The following CACNA2D1 variants were observed in gnomAD, a reference collection of about 807,000 sequenced individuals.
The protein encoded by CACNA2D1 is voltage-dependent calcium channel subunit alpha-2/delta-1.
CACNA2D1 carries 53 observed loss-of-function variants against 171.5 expected under a neutral mutation model. That is an observed-to-expected ratio of 0.31 (90% CI 0.25 to 0.39). The LOEUF is 0.39. Among genes scored for constraint, CACNA2D1 ranks in the 10% least tolerant of loss-of-function variants. The probability of loss-of-function intolerance (pLI) is 1.00; values close to 1 mark genes in which losing one functional copy is unlikely to be tolerated. For synonymous variants in CACNA2D1, 442 were observed against 443.1 expected, an observed-to-expected ratio of 1.00 and a Z score of 0.03; for missense variants, 903 against 1,299.8, an observed-to-expected ratio of 0.69 and a Z score of 4.69.
intron 3 of CACNA2D1, among the ~76,000 whole-genome samples, chr7:82,291,548 T>C (rs978664159): frequency 5.7e-5 from 8 of 139,984 alleles, no homozygotes; most frequent in Non-Finnish European, 1.2e-4. Flanking sequence ...GATATATAGA[T>C]ATATATAAAT....
chr7:82,055,912 A>G (rs1311513885), intron 10 of CACNA2D1, among the ~76,000 whole-genome samples: 2 of 92,940 alleles, frequency 2.2e-5, no homozygotes, highest in Non-Finnish European at 4.6e-5. Flanking sequence ...TTAAAGTATA[A>G]TAAATATGTG....
Position 82,215,453 on chromosome 7 carries a change from T to C in CACNA2D1, c.295-44844A>G, listed in dbSNP as rs143905697. Among the ~76,000 whole-genome samples, 1,087 of 152,220 alleles carry C rather than the reference T, an allele frequency of 7.1e-3. 14 individuals carry two copies. Among genetic ancestry groups the C allele is most frequent in the Non-Finnish European group, 8.1e-3 (552 of 68,010 alleles). On this transcript the variant is annotated intron_variant, in intron 3 of 38. Transcript: ENST00000356860. ...TTCAGTAACAGTATCAGAAACATAATAGCAAGCAAGAAATCTTGTAATTTC... is the reference window on the plus strand; with the variant it reads ...TTCAGTAACAGTATCAGAAACATAACAGCAAGCAAGAAATCTTGTAATTTC...
At chr7:82,146,547 G>T (rs1793132335) in intron 4 of CACNA2D1, among the ~76,000 whole-genome samples, 2 of 144,394 alleles carry the variant, frequency 1.4e-5, no homozygotes, top group African/African-American at 2.6e-5. Flanking sequence ...TCTTTTACAG[G>T]TAAGAAGATT....
At chr7:82,024,102 G>A (rs1319641196) in intron 12 of CACNA2D1, among the ~76,000 whole-genome samples, 1 of 151,400 alleles carries the variant, frequency 6.6e-6, no homozygotes, top group African/African-American at 2.4e-5. Flanking sequence ...ATTTTGAATA[G>A]TGCTGTAATG....
intron 3 of CACNA2D1, among the ~76,000 whole-genome samples, chr7:82,291,427 A>T (rs1366194207): frequency 7.4e-6 from 1 of 136,026 alleles, no homozygotes; most frequent in Non-Finnish European, 1.5e-5. Flanking sequence ...TAGATATATA[A>T]TATATAAAAT....
intron 1 of CACNA2D1, among the ~76,000 whole-genome samples, chr7:82,430,601 C>T (rs731160): frequency 0.35 from 53,410 of 151,990 alleles, 11,249 homozygotes; most frequent in South Asian, 0.58. Context: ...TTTCTACCAA[C>T]AAGAGAACAG....
intron 3 of CACNA2D1, among the ~76,000 whole-genome samples, chr7:82,287,229 T>C (rs1393361126): frequency 6.6e-6 from 1 of 151,876 alleles, no homozygotes; most frequent in East Asian, 1.9e-4. Context: ...ATGTGGTAAA[T>C]CTAGCTTAGA....
At chr7:82,424,320 G>A (rs531434476) in intron 1 of CACNA2D1, among the ~76,000 whole-genome samples, 2 of 152,254 alleles carry the variant, frequency 1.3e-5, no homozygotes, top group South Asian at 2.1e-4. Context: ...TGAGCACCCA[G>A]TACATAAGCA....
chr7:81,986,831 A>T (rs907463502), intron 21 of CACNA2D1, among the ~76,000 whole-genome samples: 2 of 152,174 alleles, frequency 1.3e-5, no homozygotes, highest in African/African-American at 4.8e-5. Context: ...CAGCAAGATG[A>T]CCTTTCATGA....
At chr7:82,160,651 C>A (rs1292636254) in intron 4 of CACNA2D1, among the ~76,000 whole-genome samples, 1 of 151,848 alleles carries the variant, frequency 6.6e-6, no homozygotes, top group African/African-American at 2.4e-5. Flanking sequence ...TAATTGTAGA[C>A]CTTGTAGAGA....
intron 3 of CACNA2D1, among the ~76,000 whole-genome samples, chr7:82,272,932 T>A (rs368569599): frequency 7.2e-4 from 109 of 152,220 alleles, no homozygotes; most frequent in South Asian, 2.9e-3. Context: ...ATGGAAACTA[T>A]GAGATCAGAA....
chr7:81,956,164 G>A (rs1277300529), intron 38 of CACNA2D1, among the ~76,000 whole-genome samples: 2 of 151,096 alleles, frequency 1.3e-5, no homozygotes, highest in Admixed American at 6.6e-5. Context: ...AGTAGAGATG[G>A]GGTTTCACCA....
At chr7:82,015,109 C>A (rs1463448969) in intron 12 of CACNA2D1, among the ~76,000 whole-genome samples, 1 of 152,098 alleles carries the variant, frequency 6.6e-6, no homozygotes, top group Admixed American at 6.6e-5. Flanking sequence ...TGAGGTCCAA[C>A]CTCACTTCAC....
At chr7:81,961,840 CAGTATATACAATTTCTT>C (rs2130245594) in intron 36 of CACNA2D1, 37 bp downstream of exon 36, 1 of 365,556 alleles carries the variant, frequency 2.7e-6, no homozygotes, top group African/African-American at 6.8e-5. Flanking sequence ...ATGATTATAA[CAGTATATACAATTTCTT>C]AATGAAATAG....
At chr7:82,286,327 T>C (rs1470187667) in intron 3 of CACNA2D1, among the ~76,000 whole-genome samples, 1 of 152,110 alleles carries the variant, frequency 6.6e-6, no homozygotes, top group South Asian at 2.1e-4. Flanking sequence ...CTTACCCTCA[T>C]ACTCGCTATT....
chr7:81,957,161 T>C (rs75538412), intron 38 of CACNA2D1, among the ~76,000 whole-genome samples: 1 of 152,144 alleles, frequency 6.6e-6, no homozygotes, highest in East Asian at 1.9e-4. Context: ...CTCTAAAAAT[T>C]GTCATTAGGT....
intron 3 of CACNA2D1, among the ~76,000 whole-genome samples, chr7:82,239,173 A>G (rs1040818522): frequency 2.0e-5 from 3 of 152,108 alleles, no homozygotes; most frequent in Non-Finnish European, 4.4e-5. Flanking sequence ...TAGAAATACT[A>G]CTATGCCAAG....
chr7:82,180,855 A>ACAGAGACAGG (rs1295494243), intron 3 of CACNA2D1, among the ~76,000 whole-genome samples: 1 of 151,714 alleles, frequency 6.6e-6, no homozygotes, highest in South Asian at 2.1e-4. Context: ...AGAAATAGAG[A>ACAGAGACAGG]CAGAGACAGG....
At chr7:82,198,022 G>A (rs997881946) in intron 3 of CACNA2D1, among the ~76,000 whole-genome samples, 3 of 152,030 alleles carry the variant, frequency 2.0e-5, no homozygotes, top group Admixed American at 6.6e-5. Context: ...CAGGTACAGA[G>A]AGAGGAATCC....
Sources: allele counts gnomAD v4.1 joint callset (sites outside exome capture counted in the v4.1 genomes callset), GRCh38; gene constraint gnomAD v4.1.1; transcripts MANE v1.5; gene names NCBI Gene and HGNC (gene_info 2026-07-23, HGNC 2026-07-21).